GTF2E2: variants seen among roughly 807,000 people sequenced by gnomAD.
The protein encoded by GTF2E2 is general transcription factor IIE subunit 2.
GTF2E2 carries 21 observed loss-of-function variants against 40.5 expected under a neutral mutation model. The ratio of observed to expected loss-of-function variants is 0.52; its 90% CI spans 0.37 to 0.75. GTF2E2 has a LOEUF of 0.75. Ranked by LOEUF, GTF2E2 falls within the 30% of genes least tolerant of loss-of-function variation. The pLI is 0.00. For missense variants in GTF2E2, 298 were observed against 338.4 expected, an observed-to-expected ratio of 0.88 and a Z score of 0.94; for synonymous variants, 117 against 121.6, an observed-to-expected ratio of 0.96 and a Z score of 0.25.
chr8:30,653,390 T>C, intron 2 of GTF2E2, 43 bp downstream of exon 2: 1 of 1,493,718 alleles, frequency 6.7e-7, no homozygotes, highest in Non-Finnish European at 9.3e-7. Flanking sequence ...TCCTCCTGAA[T>C]AATCTGAATA....
intron 6 of GTF2E2, among the ~76,000 whole-genome samples, chr8:30,600,066 C>T (rs938564317): frequency 6.6e-6 from 1 of 152,148 alleles, no homozygotes; most frequent in African/African-American, 2.4e-5. Context: ...TATAAGAATC[C>T]TGAATTCTTA....
chr8:30,621,973 TATATA>T (rs1295811843), intron 3 of GTF2E2, among the ~76,000 whole-genome samples: 5 of 125,040 alleles, frequency 4.0e-5, no homozygotes, highest in African/African-American at 1.7e-4. Context: ...CTTATATATA[TATATA>T]TTTTTTTATT....
At chr8:30,619,422 C>G in intron 3 of GTF2E2, among the ~76,000 whole-genome samples, 1 of 147,126 alleles carries the variant, frequency 6.8e-6, no homozygotes. Flanking sequence ...GAGTTTCGCT[C>G]TTGGTGCCCA....
intron 3 of GTF2E2, among the ~76,000 whole-genome samples, chr8:30,625,810 G>A (rs1165929909): frequency 6.6e-6 from 1 of 152,086 alleles, no homozygotes; most frequent in Non-Finnish European, 1.5e-5. Context: ...TGTTGGCCAG[G>A]CTGGTCTCAA....
chr8:30,579,752 T>G (rs1283094275), intron 7 of GTF2E2, among the ~76,000 whole-genome samples: 1 of 152,196 alleles, frequency 6.6e-6, no homozygotes, highest in Non-Finnish European at 1.5e-5. Flanking sequence ...CTACAGATTT[T>G]ATTTGCTGGT....
At chr8:30,610,097 A>C (rs1232017008) in intron 5 of GTF2E2, among the ~76,000 whole-genome samples, 8 of 152,186 alleles carry the variant, frequency 5.3e-5, no homozygotes, top group African/African-American at 1.9e-4. Flanking sequence ...ACAATCTTGA[A>C]AAAGAACAAA....
At chr8:30,634,923 A>G in intron 3 of GTF2E2, 109 bp downstream of exon 3, 2 of 621,322 alleles carry the variant, frequency 3.2e-6, no homozygotes, top group Admixed American at 6.0e-5. Context: ...GAAAATGCAC[A>G]ATTTTGATAA....
At chr8:30,655,759 A>C (rs1482435697) in intron 1 of GTF2E2, among the ~76,000 whole-genome samples, 1 of 152,224 alleles carries the variant, frequency 6.6e-6, no homozygotes, top group Non-Finnish European at 1.5e-5. Context: ...TTAAGGCGTG[A>C]ACAATCACTG....
chr8:30,598,359 T>TG (rs948899173), intron 6 of GTF2E2, among the ~76,000 whole-genome samples: 2 of 152,150 alleles, frequency 1.3e-5, no homozygotes, highest in African/African-American at 4.8e-5. Flanking sequence ...GTGGCAGCAA[T>TG]GGTCTGGAAA....
chr8:30,637,204 C>A (rs762353860), intron 2 of GTF2E2: 3 of 450,876 alleles, frequency 6.7e-6, no homozygotes, highest in South Asian at 4.7e-5. Context: ...TCTGTGACTG[C>A]ACATTTAATG....
At chr8:30,639,411 T>C (rs1801729385) in intron 2 of GTF2E2, among the ~76,000 whole-genome samples, 2 of 152,188 alleles carry the variant, frequency 1.3e-5, no homozygotes, top group South Asian at 2.1e-4. Flanking sequence ...TATCACACCA[T>C]TTAAATATAA....
chr8:30,655,740 G>T (rs752577553), intron 1 of GTF2E2, among the ~76,000 whole-genome samples: 2 of 152,178 alleles, frequency 1.3e-5, no homozygotes, highest in African/African-American at 2.4e-5. Context: ...TAATCAGACT[G>T]AATTTCAATT....
chr8:30,607,136 C>G lies in GTF2E2; in HGVS notation c.564G>C (p.Gln188His). The change falls in exon 6 of 8, where the codon CAG becomes CAC. Residue 188 changes from glutamine to histidine, a missense_variant. Physicochemically the swap from Gln to His is conservative, Grantham distance 24. Coordinates refer to ENST00000355904, the MANE Select transcript of GTF2E2 (RefSeq NM_002095.6). Reference protein sequence around the residue: ...SQKAVKALGDQILFVNRPDKK... With the variant: ...SQKAVKALGDHILFVNRPDKK... ...TATCGGGACGATTTACAAATAGTATCTGGTCCCCCAAAGCCTTAAAGATAG... is the reference window on the plus strand; with the variant it reads ...TATCGGGACGATTTACAAATAGTATGTGGTCCCCCAAAGCCTTAAAGATAG... 1 of 1,397,646 alleles carries G rather than the reference C, an allele frequency of 7.2e-7. No individual in the cohort carries two copies. The highest frequency in any genetic ancestry group is 1.0e-6 in the Non-Finnish European group (1 of 999,064). 86.6% of individuals were successfully genotyped at this position (1,397,646 alleles called of 1,614,324 possible).
chr8:30,649,682 T>C (rs2128729715), intron 2 of GTF2E2, among the ~76,000 whole-genome samples: 2 of 152,184 alleles, frequency 1.3e-5, no homozygotes, highest in Admixed American at 1.3e-4. Flanking sequence ...CTGTCTCTAC[T>C]AAAAATACAA....
chr8:30,585,772 TAAAAAAAAAAAAAAAAAAA>T (rs146018850), intron 6 of GTF2E2, among the ~76,000 whole-genome samples: 1 of 67,620 alleles, frequency 1.5e-5, no homozygotes, highest in Admixed American at 2.1e-4. Flanking sequence ...CTTTGCCCTT[TAAAAAAAAAAAAAAAAAAA>T]AAAAAAAAAA....
intron 6 of GTF2E2, among the ~76,000 whole-genome samples, chr8:30,584,197 CTT>C (rs55933853): frequency 2.2e-4 from 32 of 145,908 alleles, no homozygotes; most frequent in Admixed American, 5.5e-4. Context: ...ACTTGCTTCC[CTT>C]TTTTTTTTTT....
At chr8:30,591,891 T>C (rs1354460875) in intron 6 of GTF2E2, among the ~76,000 whole-genome samples, 1 of 151,806 alleles carries the variant, frequency 6.6e-6, no homozygotes, top group Non-Finnish European at 1.5e-5. Flanking sequence ...CATCAACTGA[T>C]ACATGAAAAG....
chr8:30,610,443 CAAAA>C (rs34094808), intron 5 of GTF2E2, among the ~76,000 whole-genome samples: 1 of 89,464 alleles, frequency 1.1e-5, no homozygotes, highest in Non-Finnish European at 2.1e-5. Context: ...GACTCTGTCT[CAAAA>C]AAAAAAAAAA....
intron 5 of GTF2E2, among the ~76,000 whole-genome samples, chr8:30,611,738 T>G (rs1480903046): frequency 6.6e-6 from 1 of 152,240 alleles, no homozygotes; most frequent in Non-Finnish European, 1.5e-5. Flanking sequence ...GCAAGTTTTC[T>G]TCTACAGGCA....
Sources: allele counts gnomAD v4.1 joint callset (sites outside exome capture counted in the v4.1 genomes callset), GRCh38; gene constraint gnomAD v4.1.1; transcripts MANE v1.5; gene names NCBI Gene and HGNC (gene_info 2026-07-23, HGNC 2026-07-21).